The following IL23R variants were observed in gnomAD, a reference collection of about 807,000 sequenced individuals.
IL23R encodes the protein interleukin-23 receptor.
In IL23R, 34 loss-of-function variants were observed where a neutral mutation model predicts 56.9. The ratio of observed to expected loss-of-function variants is 0.60; its 90% CI spans 0.45 to 0.80. IL23R has a LOEUF of 0.80. Ranked by LOEUF, IL23R falls within the 30% of genes least tolerant of loss-of-function variation. IL23R has a pLI of 0.00. For synonymous variants in IL23R, 230 were observed against 249.2 expected, an observed-to-expected ratio of 0.92 and a Z score of 0.73; for missense variants, 635 against 730.0, an observed-to-expected ratio of 0.87 and a Z score of 1.50.
intron 7 of IL23R, among the ~76,000 whole-genome samples, chr1:67,231,149 G>A (rs1008231937): frequency 6.6e-6 from 1 of 152,154 alleles, no homozygotes; most frequent in African/African-American, 2.4e-5. Context: ...AAGCCTTTAT[G>A]ATGCAGGCCT....
intron 9 of IL23R, among the ~76,000 whole-genome samples, chr1:67,255,540 G>A (rs1459855914): frequency 6.6e-6 from 1 of 152,020 alleles, no homozygotes; most frequent in Non-Finnish European, 1.5e-5. Flanking sequence ...CCAGGCTCAA[G>A]CGATCTTTCC....
chr1:67,178,859 C>A (rs1200903119), intron 3 of IL23R, among the ~76,000 whole-genome samples: 1 of 152,182 alleles, frequency 6.6e-6, no homozygotes, highest in Non-Finnish European at 1.5e-5. Flanking sequence ...GCCTTTTCTG[C>A]AGCTATTGAG....
At chr1:67,177,923 G>A (rs539540063) in intron 3 of IL23R, among the ~76,000 whole-genome samples, 9 of 151,126 alleles carry the variant, frequency 6.0e-5, no homozygotes, top group Admixed American at 5.2e-4. Flanking sequence ...AGATCAGATG[G>A]TTGTAGATGT....
At chr1:67,140,749 T>TA (rs1449852257) in intron 1 of IL23R, among the ~76,000 whole-genome samples, 1 of 152,166 alleles carries the variant, frequency 6.6e-6, no homozygotes, top group Admixed American at 6.5e-5. Flanking sequence ...TTTATAATGG[T>TA]AAAAAATTTA....
At chr1:67,260,192 G>T (rs191550363), downstream of IL23R, among the ~76,000 whole-genome samples, 153 of 151,998 alleles carry the variant, frequency 1.0e-3, no homozygotes, top group African/African-American at 3.4e-3. Flanking sequence ...TGTGATTTGG[G>T]ACTAACAGCG....
At chr1:67,155,395 G>T (rs1318224047) in intron 1 of IL23R, among the ~76,000 whole-genome samples, 1 of 152,118 alleles carries the variant, frequency 6.6e-6, no homozygotes, top group African/African-American at 2.4e-5. Context: ...TTTCCAACTT[G>T]GTTCCATTCT....
intron 6 of IL23R, among the ~76,000 whole-genome samples, chr1:67,213,213 A>G (rs1649613988): frequency 6.6e-6 from 1 of 152,274 alleles, no homozygotes; most frequent in East Asian, 1.9e-4. Context: ...CGTTATTCCC[A>G]TACATAACAT....
At chr1:67,193,903 C>G (rs778547671) in intron 4 of IL23R, among the ~76,000 whole-genome samples, 1 of 152,232 alleles carries the variant, frequency 6.6e-6, no homozygotes, top group Non-Finnish European at 1.5e-5. Flanking sequence ...AAATGTCAAT[C>G]ACAAGCCCCA....
chr1:67,182,437 G>A (rs186215367), intron 3 of IL23R, among the ~76,000 whole-genome samples: 220 of 152,336 alleles, frequency 1.4e-3, no homozygotes, highest in African/African-American at 4.7e-3. Flanking sequence ...CTCTGAGCCA[G>A]GCATGGGATA....
At chr1:67,146,252 A>C (rs752521448) in intron 1 of IL23R, among the ~76,000 whole-genome samples, 1 of 152,172 alleles carries the variant, frequency 6.6e-6, no homozygotes, top group Non-Finnish European at 1.5e-5. Flanking sequence ...CAATATCAAA[A>C]GTGATAATTT....
chr1:67,217,921 C>T (rs894281551), intron 6 of IL23R, among the ~76,000 whole-genome samples: 4 of 150,108 alleles, frequency 2.7e-5, no homozygotes, highest in African/African-American at 4.9e-5. Context: ...TAATCTCAAT[C>T]GTTGTAACTT....
intron 4 of IL23R, among the ~76,000 whole-genome samples, chr1:67,189,150 T>C (rs1056429661): frequency 6.6e-6 from 1 of 152,148 alleles, no homozygotes; most frequent in Non-Finnish European, 1.5e-5. Context: ...ATGTCAATAG[T>C]ACATTTATTC....
At chr1:67,181,365 C>G (rs1416963494) in intron 3 of IL23R, among the ~76,000 whole-genome samples, 1 of 152,178 alleles carries the variant, frequency 6.6e-6, no homozygotes, top group East Asian at 1.9e-4. Flanking sequence ...CTTCTCTTCT[C>G]ACTTCATTTC....
chr1:67,225,749 A>T (rs1650575047), intron 7 of IL23R, among the ~76,000 whole-genome samples: 1 of 151,698 alleles, frequency 6.6e-6, no homozygotes, highest in African/African-American at 2.4e-5. Flanking sequence ...ACCTCAAATG[A>T]TCCCCCTGCC....
At chr1:67,218,285 TAC>T (rs1174249576) in intron 6 of IL23R, among the ~76,000 whole-genome samples, 3 of 150,906 alleles carry the variant, frequency 2.0e-5, no homozygotes, top group South Asian at 2.1e-4. Context: ...TATATATATA[TAC>T]ATACATATAC....
intron 10 of IL23R, among the ~76,000 whole-genome samples, chr1:67,256,220 A>G (rs1652940506): frequency 6.6e-6 from 1 of 152,214 alleles, no homozygotes; most frequent in Non-Finnish European, 1.5e-5. Context: ...TGACCAAACA[A>G]TGGTAGATGT....
At chr1:67,163,202 C>T (rs1286578830), upstream of IL23R, among the ~76,000 whole-genome samples, 1 of 152,060 alleles carries the variant, frequency 6.6e-6, no homozygotes, top group East Asian at 1.9e-4. Context: ...GGTGTGGTGA[C>T]TCATGCCTGT....
intron 6 of IL23R, among the ~76,000 whole-genome samples, chr1:67,208,141 A>T (rs1649211696): frequency 1.3e-5 from 2 of 152,228 alleles, no homozygotes; most frequent in South Asian, 4.1e-4. Context: ...GGTAGAAGAA[A>T]TTTCTACGCA....
upstream of IL23R, among the ~76,000 whole-genome samples, chr1:67,164,793 G>A (rs1355138622): frequency 6.6e-6 from 1 of 151,678 alleles, no homozygotes; most frequent in African/African-American, 2.4e-5. Flanking sequence ...TACCTTCTAA[G>A]AAATGTGTCA....
Sources: allele counts gnomAD v4.1 joint callset (sites outside exome capture counted in the v4.1 genomes callset), GRCh38; gene constraint gnomAD v4.1.1; transcripts MANE v1.5; gene names NCBI Gene and HGNC (gene_info 2026-07-23, HGNC 2026-07-21).